Variants in PABPN1 observed in about 807,000 individuals in gnomAD.
PABPN1 encodes the protein polyadenylate-binding protein 2.
PABPN1 carries 5 observed loss-of-function variants against 33.4 expected under a neutral mutation model. That is an observed-to-expected ratio of 0.15 (90% CI 0.08 to 0.32). The LOEUF (loss-of-function observed/expected upper bound fraction) is 0.32. Ranked by LOEUF, PABPN1 falls within the 10% of genes least tolerant of loss-of-function variation. The pLI, the probability that PABPN1 is intolerant of heterozygous loss-of-function variation, is 1.00. For missense variants in PABPN1, 312 were observed against 425.8 expected (o/e 0.73, Z 2.35); for synonymous variants, 176 against 170.6 (o/e 1.03, Z -0.25).
chr14:23,323,204 G>A, intron 3 of PABPN1, 138 bp downstream of exon 3: 1 of 1,322,996 alleles, frequency 7.6e-7, no homozygotes, highest in Non-Finnish European at 1.1e-6. Flanking sequence ...TAAAGGTAAT[G>A]GAATGATCAG....
chr14:23,323,056 A>G lies in PABPN1; in HGVS notation c.524A>G (p.Tyr175Cys), dbSNP rs996174582. 9 of 1,614,004 alleles carry G rather than the reference A, an allele frequency of 5.6e-6. No homozygotes were observed. The highest frequency in any genetic ancestry group is 4.0e-5 in the African/African-American group (3 of 74,876). Residue 175 changes from tyrosine to cysteine, a missense_variant, in exon 3 of 7, where the codon TAT (tyrosine) becomes TGT (cysteine). Physicochemically the swap from Tyr to Cys is radical, Grantham distance 194. Transcript: ENST00000216727. ...ATGGAGGCTGATGCCCGTTCCATCT[A>G]TGTTGGCAATGTACGTACTGGGGCT... ...EKMEADARSIYVGNVDYGATA... is the reference protein window; with the variant it reads ...EKMEADARSICVGNVDYGATA...
chr14:23,324,079 G>C, intron 5 of PABPN1, 27 bp downstream of exon 5: 3 of 1,614,140 alleles, frequency 1.9e-6, no homozygotes, highest in Non-Finnish European at 2.5e-6. Flanking sequence ...TGCTGTTCTA[G>C]TTGTGTATAA....
At chr14:23,322,323 CCCGGGT>C in intron 2 of PABPN1, 28 bp downstream of exon 2, 1 of 1,567,752 alleles carries the variant, frequency 6.4e-7, no homozygotes, top group South Asian at 1.2e-5. Context: ...GCACGCGGAG[CCCGGGT>C]TCTCGGGTTG....
chr14:23,322,613 T>C lies in PABPN1; in HGVS notation c.466+318T>C, dbSNP rs2138472089. On this transcript the variant is annotated intron_variant, in intron 2 of 6. Transcript: ENST00000216727. ...TCAAATCTAATAGTTTTTCCTCCAA[T>C]TGGAGACGCTTTAGGATTCTAAGAG... 1.5e-5 allele frequency: 7 copies of C among 459,058 alleles called. No individual in the cohort carries two copies. The South Asian group carries it at 1.6e-4, about 10-fold the overall frequency. 28.4% of individuals were successfully genotyped at this position (459,058 alleles called of 1,614,324 possible). A position where few individuals can be genotyped will look rare whatever the true frequency, so the allele number is the denominator to read the frequency against.
chr14:23,324,462 G>C, intron 6 of PABPN1, 173 bp downstream of exon 6: 1 of 812,478 alleles, frequency 1.2e-6, no homozygotes, highest in Non-Finnish European at 2.0e-6. Context: ...CAGAAGGCCA[G>C]CCTCATCATC....
Position 23,324,273 on chromosome 14 carries a change from C to A in PABPN1, c.865C>A (p.Arg289=), listed in dbSNP as rs371919339. ...CTACAGTGGTTTTAACAGCAGGCCC[C>A]GGGGTCGCGTCTACAGGTCAGGATA... is the stretch of plus-strand genomic sequence containing the variant. The part of the protein sequence containing the change: ...RFYSGFNSRP[R]GRVYRGRARA... Residue 289 remains arginine, a synonymous_variant, in exon 6 of 7, where the codon CGG becomes AGG. Coordinates refer to ENST00000216727, the MANE Select transcript of PABPN1 (RefSeq NM_004643.4). 5 of 1,613,234 alleles carry A rather than the reference C, an allele frequency of 3.1e-6. No individual in the cohort carries two copies. Among genetic ancestry groups the A allele is most frequent in the Non-Finnish European group, 4.2e-6 (5 of 1,180,000 alleles).
At position 23,325,332 on chromosome 14, in the gene PABPN1, A is replaced by G. The variant is rs774229260; in HGVS notation, c.*46A>G. 6.5e-7 allele frequency: 1 copy of G among 1,533,440 alleles called. No individual in the cohort carries two copies. Among genetic ancestry groups the G allele is most frequent in the Non-Finnish European group, 8.8e-7 (1 of 1,134,982 alleles). The allele number at this position is 1,533,440 out of a possible 1,614,324, so 95.0% of individuals were successfully genotyped here. On this transcript the variant is annotated 3_prime_UTR_variant, in exon 7 of 7. Transcript: ENST00000216727. ...AGAGAGAGGAAAAAAAGAGGAAAGA[A>G]GGAAAAAAAAAAGAATTAAAAAAAA...
Position 23,323,075 on chromosome 14 carries a change from TG to T in PABPN1, c.534+13del. 6.2e-7 allele frequency: 1 copy of T among 1,614,124 alleles called. No homozygotes were observed. Reference sequence around the variant, plus strand: ...CCATCTATGTTGGCAATGTACGTACTGGGGCTCTGACTGGGGTTGGGGGCAA... The same window carrying T: ...CCATCTATGTTGGCAATGTACGTACTGGGCTCTGACTGGGGTTGGGGGCAA... On this transcript the variant is annotated intron_variant, in intron 3 of 6. Coordinates refer to ENST00000216727, the MANE Select transcript of PABPN1 (RefSeq NM_004643.4).
chr14:23,322,043 T>C, intron 1 of PABPN1, 138 bp from the exon 2 acceptor site: 1 of 980,630 alleles, frequency 1.0e-6, no homozygotes, highest in Non-Finnish European at 1.6e-6. Context: ...GAGGGTAGCT[T>C]TTCTTTTATC....
At chr14:23,325,075 A>G in intron 6 of PABPN1, 172 bp from the exon 7 acceptor site, 1 of 819,746 alleles carries the variant, frequency 1.2e-6, no homozygotes, top group South Asian at 2.5e-5. Flanking sequence ...CCCCTGCCCC[A>G]GTTCTCCAGG....
At position 23,321,512 on chromosome 14, in the gene PABPN1, G is replaced by A. The variant is rs1157430457; in HGVS notation, c.43G>A (p.Gly15Ser). ...GGCGGCAGCAGCAGCGGGGGCTGCG[G>A]GCGGTCGGGGCTCCGGGCCGGGGCG... ...AAAAAAAGAA[G>S]GRGSGPGRRR... Residue 15 changes from glycine to serine, a missense_variant, in exon 1 of 7, where the codon GGC (glycine) becomes AGC (serine). Gly to Ser is a moderately conservative substitution (Grantham distance 56). Transcript: ENST00000216727. The A allele has an allele frequency of 5.5e-5, 68 of 1,236,196 alleles. No individual in the cohort carries two copies. In the East Asian group the frequency reaches 2.1e-3, roughly 39 times the overall value. 76.6% of individuals were successfully genotyped at this position (1,236,196 alleles called of 1,614,324 possible).
At chr14:23,324,108 A>G in intron 5 of PABPN1, 30 bp from the exon 6 acceptor site, 6 of 1,614,172 alleles carry the variant, frequency 3.7e-6, no homozygotes, top group Non-Finnish European at 5.1e-6. Context: ...GGTTGCCTTT[A>G]AGGCTATCAT....
intron 3 of PABPN1, 139 bp from the exon 4 acceptor site, chr14:23,323,238 G>A: frequency 7.7e-7 from 1 of 1,291,758 alleles, no homozygotes; most frequent in South Asian, 1.2e-5. Flanking sequence ...CTCTGGGTTT[G>A]GAAGGAAAAG....
At chr14:23,322,381 C>G in intron 2 of PABPN1, 86 bp downstream of exon 2, 3 of 1,190,682 alleles carry the variant, frequency 2.5e-6, no homozygotes, top group Non-Finnish European at 3.7e-6. Context: ...GTTAGATACT[C>G]GGCACCCTGG....
In PABPN1 at chr14:23,323,946, C is replaced by T; in HGVS notation, c.642-19C>T. 1 of 1,613,662 alleles carries T rather than the reference C, an allele frequency of 6.2e-7. No homozygotes were observed. The highest frequency in any genetic ancestry group is 1.1e-5 in the South Asian group (1 of 91,050). ...AGGTATTTGTAACCTCAGAGAGATA[C>T]AATGACAATTCTTTTCAGGTTTGCG... On this transcript the variant is annotated intron_variant, in intron 4 of 6. Transcript: ENST00000216727.
At position 23,321,677 on chromosome 14, in the gene PABPN1, C is replaced by T. The variant is rs1392510529; in HGVS notation, c.208C>T (p.Pro70Ser). Reference protein sequence around the residue: ...LLLEPEPEPEPEEEPPRPRAP... With the variant: ...LLLEPEPEPESEEEPPRPRAP... The stretch of plus-strand genomic sequence containing the variant: ...GCTGGAGCCCGAGCCGGAGCCCGAG[C>T]CCGAAGAGGAGCCGCCCCGGCCCCG... Residue 70 changes from proline to serine, a missense_variant, in exon 1 of 7, where the codon CCC (proline) becomes TCC (serine). Pro to Ser is a moderately conservative substitution (Grantham distance 74). Transcript: ENST00000216727. The T allele has an allele frequency of 6.6e-6, 10 of 1,522,178 alleles. No individual in the cohort carries two copies. Among genetic ancestry groups the T allele is most frequent in the Non-Finnish European group, 8.9e-6 (10 of 1,125,046 alleles). 94.3% of individuals were successfully genotyped at this position (1,522,178 alleles called of 1,614,324 possible).
At chr14:23,321,990 C>G in intron 1 of PABPN1, 170 bp downstream of exon 1, 1 of 784,862 alleles carries the variant, frequency 1.3e-6, no homozygotes, top group Non-Finnish European at 2.0e-6. Context: ...AGGGGCCCGA[C>G]TGGCTTGATT....
intron 6 of PABPN1, 109 bp from the exon 7 acceptor site, chr14:23,325,138 C>T (rs967607322): frequency 1.3e-6 from 2 of 1,505,602 alleles, no homozygotes; most frequent in Middle Eastern, 1.8e-4. Context: ...TTGAACACTT[C>T]TTTTCCCCCC....
Position 23,321,545 on chromosome 14 carries a change from C to T in PABPN1, c.76C>T (p.His26Tyr), listed in dbSNP as rs1705140399. 1 of 1,335,238 alleles carries T rather than the reference C, an allele frequency of 7.5e-7. No homozygotes were observed. The allele number at this position is 1,335,238 out of a possible 1,614,324, so 82.7% of individuals were successfully genotyped here. ...GGGCTCCGGGCCGGGGCGGCGGCGC[C>T]ATCTTGTGCCCGGGGCCGGTGGGGA... is the stretch of plus-strand genomic sequence containing the variant. ...GRGSGPGRRR[H>Y]LVPGAGGEAG... The change falls in exon 1 of 7, where the codon CAT becomes TAT. Residue 26 changes from histidine (H) to tyrosine (Y), a missense_variant. This residue lies in a region of PABPN1 where 167 missense variants were observed against 168.9 expected (regional missense o/e 0.99). Transcript: ENST00000216727.
Sources: allele counts gnomAD v4.1 joint callset, GRCh38; gene constraint gnomAD v4.1.1; regional missense constraint gnomAD v4.1.1; transcripts MANE v1.5; gene names NCBI Gene and HGNC (gene_info 2026-07-23, HGNC 2026-07-21).